The following PLIN4 variants were observed in gnomAD, a reference collection of about 807,000 sequenced individuals.
PLIN4 encodes the protein perilipin 4.
PLIN4 carries 57 observed loss-of-function variants against 52.4 expected under a neutral mutation model. The observed-to-expected ratio is 1.09, with a 90% confidence interval of 0.88 to 1.36. PLIN4 has a LOEUF of 1.36. Ranked by LOEUF, PLIN4 falls within the 40% of genes most tolerant of loss-of-function variation. The pLI, the probability that PLIN4 is intolerant of heterozygous loss-of-function variation, is 0.00. For synonymous variants in PLIN4, 826 were observed against 785.4 expected, an observed-to-expected ratio of 1.05 and a Z score of -0.86; for missense variants, 1,757 against 1,770.3, an observed-to-expected ratio of 0.99 and a Z score of 0.13.
chr19:4,505,040 TCA>T (rs1976051659), intron 6 of PLIN4, 93 bp from the exon 7 acceptor site: 4 of 1,221,140 alleles, frequency 3.3e-6, no homozygotes, highest in Non-Finnish European at 4.6e-6. Flanking sequence ...CTGGGCACAT[TCA>T]CAGTCCTGGG....
intron 6 of PLIN4, 82 bp from the exon 7 acceptor site, chr19:4,505,029 C>G: frequency 1.5e-6 from 2 of 1,316,710 alleles, no homozygotes; most frequent in Middle Eastern, 1.8e-4. Context: ...CCCCCAGGGA[C>G]CTGGGCACAT....
At chr19:4,517,068 G>A (rs1449524928) in intron 3 of PLIN4, among the ~76,000 whole-genome samples, 2 of 152,210 alleles carry the variant, frequency 1.3e-5, no homozygotes, top group African/African-American at 4.8e-5. Flanking sequence ...TCAGCTGCCT[G>A]GGGCTCTGGG....
rs762510678 is a variant in PLIN4, at chr19:4,511,729, G to A, written c.2231C>T (p.Ala744Val). ...CSGVTGAANV[A>V]KGAIQGGLDT... is the part of the protein sequence containing the mutation. Reference sequence around the variant, plus strand: ...CAGGCCCCCTTGGATGGCCCCTTTGGCCACATTCGCAGCACCGGTCACCCC... The same window carrying A: ...CAGGCCCCCTTGGATGGCCCCTTTGACCACATTCGCAGCACCGGTCACCCC... The change falls in exon 5 of 8, where the codon GCC becomes GTC. Residue 744 changes from alanine to valine, a missense_variant. Ala to Val is a moderately conservative substitution (Grantham distance 64). Coordinates refer to ENST00000301286, the MANE Select transcript of PLIN4 (RefSeq NM_001367868.2). The A allele has an allele frequency of 2.5e-6, 4 of 1,590,202 alleles. No homozygotes were observed. The highest frequency in any genetic ancestry group is 1.3e-5 in the African/African-American group (1 of 74,348).
intron 5 of PLIN4, among the ~76,000 whole-genome samples, chr19:4,509,257 G>C (rs1976203890): frequency 1.6e-5 from 2 of 122,128 alleles, no homozygotes; most frequent in African/African-American, 6.0e-5. Flanking sequence ...CTTGCAGTGA[G>C]CCGAGATGGA....
In PLIN4 at chr19:4,512,639, T is replaced by C; in HGVS notation, c.1321A>G (p.Thr441Ala). The C allele has an allele frequency of 6.3e-7, 1 of 1,584,568 alleles. No individual in the cohort carries two copies. Among genetic ancestry groups the C allele is most frequent in the Non-Finnish European group, 8.6e-7 (1 of 1,164,644 alleles). The stretch of plus-strand genomic sequence containing the variant: ...CCTCTGGCCAAATTCATGGCACCAG[T>C]CACCCCACTGCAGACGGTGTCCTTT... ...GTKDTVCSGV[T>A]GAMNLARGTI... The change falls in exon 5 of 8, where the codon ACT becomes GCT. Residue 441 changes from threonine to alanine, a missense_variant. By Grantham distance (58) the Thr-to-Ala change is moderately conservative. Coordinates refer to ENST00000301286, the MANE Select transcript of PLIN4 (RefSeq NM_001367868.2).
In PLIN4 at chr19:4,513,565, A is replaced by G; in HGVS notation, c.395T>C (p.Leu132Pro). 4 of 1,606,876 alleles carry G rather than the reference A, an allele frequency of 2.5e-6. No individual in the cohort carries two copies. The highest frequency in any genetic ancestry group is 3.4e-6 in the Non-Finnish European group (4 of 1,176,862). Residue 132 changes from leucine to proline, a missense_variant, in exon 5 of 8, where the codon CTT (leucine) becomes CCT (proline). Leu to Pro is a moderately conservative substitution (Grantham distance 98, BLOSUM62 -3). Coordinates refer to ENST00000301286, the MANE Select transcript of PLIN4 (RefSeq NM_001367868.2). ...QGGLDTTRSALTGTKEVVSSG... is the reference protein window; with the variant it reads ...QGGLDTTRSAPTGTKEVVSSG... ...GGACACCACCTCCTTGGTGCCCGTAAGTGCAGACCGAGTGGTGTCCAGGCC... is the reference window on the plus strand; with the variant it reads ...GGACACCACCTCCTTGGTGCCCGTAGGTGCAGACCGAGTGGTGTCCAGGCC...
intron 3 of PLIN4, 33 bp downstream of exon 3, chr19:4,517,520 TC>T: frequency 6.3e-7 from 1 of 1,584,554 alleles, no homozygotes. Flanking sequence ...ATGTGTAGAG[TC>T]CCCCCACGCC....
chr19:4,512,139 C>A lies in PLIN4; in HGVS notation c.1821G>T (p.Gly607=). 1 of 1,604,022 alleles carries A rather than the reference C, an allele frequency of 6.2e-7. No individual in the cohort carries two copies. Among genetic ancestry groups the A allele is most frequent in the Non-Finnish European group, 8.5e-7 (1 of 1,177,286 alleles). Residue 607 remains glycine, a synonymous_variant, in exon 5 of 8, where the codon GGG becomes GGT. Coordinates refer to ENST00000301286, the MANE Select transcript of PLIN4 (RefSeq NM_001367868.2). ...CGGTCCCTTTGGCGACATTCACTGCCCCCACGAGCCCAGTAGTCACTGTGT... is the reference window on the plus strand; with the variant it reads ...CGGTCCCTTTGGCGACATTCACTGCACCCACGAGCCCAGTAGTCACTGTGT... ...TKDTVTTGLV[G]AVNVAKGTVQ...
In PLIN4 at chr19:4,502,638, A is replaced by G. The variant is rs1599731635; in HGVS notation, c.*1821T>C. ...TAGCCGACAGTGGTCTCCAGCGTTC[A>G]GGGAGCATGGGCCTCAGGGGCCAGC... On this transcript the variant is annotated 3_prime_UTR_variant, in exon 8 of 8. Coordinates refer to ENST00000301286, the MANE Select transcript of PLIN4 (RefSeq NM_001367868.2). The G allele has an allele frequency of 5.1e-6, 1 of 194,192 alleles. No individual in the cohort carries two copies. 12.0% of individuals were successfully genotyped at this position (194,192 alleles called of 1,614,324 possible). A position where few individuals can be genotyped will look rare whatever the true frequency, so the allele number is the denominator to read the frequency against.
At chr19:4,509,372 A>G (rs996329966) in intron 5 of PLIN4, among the ~76,000 whole-genome samples, 1 of 144,260 alleles carries the variant, frequency 6.9e-6, no homozygotes, top group East Asian at 2.1e-4. Context: ...ATCACAGCAC[A>G]TTGGGAGGCC....
Position 4,510,996 on chromosome 19 carries a change from A to T in PLIN4, c.2964T>A (p.Ala988=), listed in dbSNP as rs985435457. The T allele has an allele frequency of 6.2e-7, 1 of 1,612,784 alleles. No homozygotes were observed. The highest frequency in any genetic ancestry group is 8.5e-7 in the Non-Finnish European group (1 of 1,179,754). The change falls in exon 5 of 8, where the codon GCT becomes GCA. Residue 988 remains alanine, a synonymous_variant. Transcript: ENST00000301286. ...CAGTGTCCTTGGTACCCATAAGCAC[A>T]GCCTTGGAGGCGTCCACGCCGGTCT... The part of the protein sequence containing the change: ...TVQTGVDASK[A]VLMGTKDTVF...
rs533910309 is a variant in PLIN4 at position 4,516,951 on chromosome 19, G to A, written c.197-273C>T. Among the ~76,000 whole-genome samples, 62 of 152,292 alleles carry A rather than the reference G, an allele frequency of 4.1e-4. 1 individual carries two copies. Among genetic ancestry groups the A allele is most frequent in the African/African-American group, 1.4e-3 (57 of 41,566 alleles). ...TGGGTGGACACCCACCCTGAGTCCC[G>A]GGGTTCATATAGCCTGGCATGGGGG... is the stretch of plus-strand genomic sequence containing the variant. On this transcript the variant is annotated intron_variant, in intron 3 of 7. Transcript: ENST00000301286.
intron 6 of PLIN4, among the ~76,000 whole-genome samples, 169 bp downstream of exon 6, chr19:4,508,599 C>T (rs1348772405): frequency 1.1e-4 from 16 of 152,198 alleles, no homozygotes; most frequent in Admixed American, 6.5e-4. Context: ...GATCTAGCTC[C>T]GTCCCCCTTG....
intron 6 of PLIN4, among the ~76,000 whole-genome samples, chr19:4,508,320 C>G (rs1378384263): frequency 6.6e-6 from 1 of 152,086 alleles, no homozygotes; most frequent in Non-Finnish European, 1.5e-5. Context: ...GCAGTGGCAC[C>G]ATCTTGGCTC....
At chr19:4,517,299 G>C (rs763026554) in intron 3 of PLIN4, among the ~76,000 whole-genome samples, 1 of 117,084 alleles carries the variant, frequency 8.5e-6, no homozygotes, top group Non-Finnish European at 1.8e-5. Context: ...AGTGCAGGGT[G>C]GGGGAACGGC....
In PLIN4 at chr19:4,517,636, G is replaced by A. The variant is rs771723198; in HGVS notation, c.114C>T (p.Asn38=). 10 of 1,608,816 alleles carry A rather than the reference G, an allele frequency of 6.2e-6. No individual in the cohort carries two copies. The highest frequency in any genetic ancestry group is 4.0e-5 in the African/African-American group (3 of 74,838). ...GCCGGGCTCTCGCCGAGCTATGTGC[G>A]TTGGCCACCAGGTTCCGGGCAGAGC... ...GFSSARNLVA[N]AHSSARARPA... The change falls in exon 3 of 8, where the codon AAC becomes AAT. Residue 38 remains asparagine, a synonymous_variant. Transcript: ENST00000301286.
chr19:4,504,488 G>A lies in PLIN4; in HGVS notation c.4087C>T (p.Pro1363Ser), dbSNP rs767075907. The change falls in exon 8 of 8, where the codon CCC becomes TCC. Residue 1363 changes from proline (P) to serine (S), a missense_variant. Pro to Ser is a moderately conservative substitution (Grantham distance 74). Coordinates refer to ENST00000301286, the MANE Select transcript of PLIN4 (RefSeq NM_001367868.2). ...HNPPLSWLVG[P>S]FALPAGGQ ...TGCCCGCCAGCGGGCAAGGCGAAGG[G>A]CCCTACCAGCCAGCTGAGCGGGGGA... 6.3e-7 allele frequency: 1 copy of A among 1,595,400 alleles called. No individual in the cohort carries two copies. Among genetic ancestry groups the A allele is most frequent in the East Asian group, 2.3e-5 (1 of 44,306 alleles).
chr19:4,517,640 G>A lies in PLIN4; in HGVS notation c.110C>T (p.Ala37Val), dbSNP rs866697834. 6.2e-7 allele frequency: 1 copy of A among 1,608,800 alleles called. No homozygotes were observed. Among genetic ancestry groups the A allele is most frequent in the South Asian group, 1.1e-5 (1 of 90,192 alleles). The change falls in exon 3 of 8, where the codon GCC (alanine) becomes GTC (valine). Residue 37 changes from alanine (A) to valine (V), a missense_variant. Ala to Val is a moderately conservative substitution (Grantham distance 64). This residue lies in a region of PLIN4 where 332 missense variants were observed against 310.8 expected (regional missense o/e 1.07). Coordinates refer to ENST00000301286, the MANE Select transcript of PLIN4 (RefSeq NM_001367868.2). ...GGCTCTCGCCGAGCTATGTGCGTTG[G>A]CCACCAGGTTCCGGGCAGAGCTGAA... ...PGFSSARNLV[A>V]NAHSSARARP...
intron 5 of PLIN4, 77 bp from the exon 6 acceptor site, chr19:4,509,032 G>C (rs557577588): frequency 7.1e-7 from 1 of 1,400,306 alleles, no homozygotes; most frequent in African/African-American, 1.4e-5. Flanking sequence ...AGTGAGGGCC[G>C]GGCGCGGCGG....
Sources: allele counts gnomAD v4.1 joint callset (sites outside exome capture counted in the v4.1 genomes callset), GRCh38; gene constraint gnomAD v4.1.1; regional missense constraint gnomAD v4.1.1; transcripts MANE v1.5; gene names NCBI Gene and HGNC (gene_info 2026-07-23, HGNC 2026-07-21).